The following GPC6 variants were observed in gnomAD, a reference collection of about 807,000 sequenced individuals.
GPC6 encodes the protein glypican 6, also known as glypican-6.
Under a neutral mutation model 55.2 loss-of-function variants are expected in GPC6, and 14 were observed. The ratio of observed to expected loss-of-function variants is 0.25; its 90% CI spans 0.17 to 0.40. The LOEUF is 0.40. Ranked by LOEUF, GPC6 falls within the 10% of genes least tolerant of loss-of-function variation. The pLI, the probability that GPC6 is intolerant of heterozygous loss-of-function variation, is 1.00. For synonymous variants in GPC6, 278 were observed against 259.6 expected (o/e 1.07, Z -0.68); for missense variants, 641 against 708.5 (o/e 0.90, Z 1.08).
chr13:94,302,412 C>T (rs1183608758), intron 5 of GPC6, among the ~76,000 whole-genome samples: 3 of 152,132 alleles, frequency 2.0e-5, no homozygotes, highest in African/African-American at 7.2e-5. Flanking sequence ...GCCTAATCAC[C>T]TCCCAAAGGA....
At chr13:94,076,839 G>A (rs777924595) in intron 4 of GPC6, among the ~76,000 whole-genome samples, 1 of 151,398 alleles carries the variant, frequency 6.6e-6, no homozygotes, top group Non-Finnish European at 1.5e-5. Context: ...TGATCTATAT[G>A]TCTGTCTTTA....
chr13:94,164,244 TTCCCAGTAATAA>T, intron 4 of GPC6, among the ~76,000 whole-genome samples: 1 of 152,210 alleles, frequency 6.6e-6, no homozygotes, highest in East Asian at 1.9e-4. Context: ...ACATAGCACA[TTCCCAGTAATAA>T]GCTACTTAAT....
chr13:94,351,641 C>T (rs1878547137), intron 6 of GPC6, among the ~76,000 whole-genome samples: 2 of 152,184 alleles, frequency 1.3e-5, no homozygotes, highest in South Asian at 2.1e-4. Flanking sequence ...TAATTACCCA[C>T]AGCTCTGGAG....
chr13:93,504,469 T>TA (rs1178417310), intron 1 of GPC6, among the ~76,000 whole-genome samples: 1 of 139,508 alleles, frequency 7.2e-6, no homozygotes, highest in Non-Finnish European at 1.5e-5. Context: ...ATTATAAAAA[T>TA]AAAAACAACA....
chr13:94,383,468 C>T (rs116200067), intron 7 of GPC6, among the ~76,000 whole-genome samples: 2,427 of 152,252 alleles, frequency 0.016, 47 homozygotes, highest in African/African-American at 0.049. Flanking sequence ...CGGTGGCTCA[C>T]GCCTGTAATC....
intron 3 of GPC6, among the ~76,000 whole-genome samples, chr13:93,986,399 A>G (rs1203025355): frequency 1.3e-5 from 2 of 152,236 alleles, no homozygotes; most frequent in East Asian, 1.9e-4. Flanking sequence ...ATTTCATTGG[A>G]AAGTTTCATC....
chr13:93,430,362 C>A (rs997804026), intron 1 of GPC6, among the ~76,000 whole-genome samples: 1 of 151,920 alleles, frequency 6.6e-6, no homozygotes, highest in African/African-American at 2.4e-5. Flanking sequence ...TTTGAAAGTG[C>A]AAATTGAGAG....
At chr13:93,410,869 T>C (rs2139244498) in intron 1 of GPC6, among the ~76,000 whole-genome samples, 1 of 152,258 alleles carries the variant, frequency 6.6e-6, no homozygotes, top group Admixed American at 6.5e-5. Context: ...ATGTCTTTTC[T>C]TCTCAGGGGA....
chr13:94,100,448 T>A (rs760675716), intron 4 of GPC6, among the ~76,000 whole-genome samples: 1 of 152,210 alleles, frequency 6.6e-6, no homozygotes, highest in Non-Finnish European at 1.5e-5. Context: ...AGAAAAGGAC[T>A]GGAAAGATAG....
At chr13:93,318,762 G>A (rs1477821024) in intron 1 of GPC6, among the ~76,000 whole-genome samples, 1 of 152,088 alleles carries the variant, frequency 6.6e-6, no homozygotes, top group Non-Finnish European at 1.5e-5. Flanking sequence ...GAGGAAGTGC[G>A]GAAGCCAGTT....
chr13:94,369,294 T>C (rs1879423020), intron 6 of GPC6, among the ~76,000 whole-genome samples: 1 of 152,130 alleles, frequency 6.6e-6, no homozygotes, highest in South Asian at 2.1e-4. Flanking sequence ...CAGAGATGAT[T>C]GAGGGAAAAT....
At chr13:93,515,811 A>G (rs1566399455) in intron 1 of GPC6, among the ~76,000 whole-genome samples, 1 of 152,184 alleles carries the variant, frequency 6.6e-6, no homozygotes, top group Non-Finnish European at 1.5e-5. Context: ...TACAAAGTGA[A>G]ACTCACTATT....
chr13:93,549,315 T>G (rs1015303259), intron 2 of GPC6, among the ~76,000 whole-genome samples: 2 of 152,180 alleles, frequency 1.3e-5, no homozygotes, highest in South Asian at 2.1e-4. Context: ...TTAGTATTTT[T>G]GTGTTTAGTG....
At chr13:93,322,335 T>C (rs1442644393) in intron 1 of GPC6, among the ~76,000 whole-genome samples, 1 of 152,058 alleles carries the variant, frequency 6.6e-6, no homozygotes, top group African/African-American at 2.4e-5. Flanking sequence ...TGTATATGTG[T>C]CAATGTGTTC....
intron 1 of GPC6, among the ~76,000 whole-genome samples, chr13:93,349,563 T>C (rs1040184668): frequency 6.6e-6 from 1 of 152,184 alleles, no homozygotes; most frequent in Admixed American, 6.5e-5. Flanking sequence ...TCTGGAGATA[T>C]ACCAAAGTTT....
chr13:94,145,183 AATGG>A, intron 4 of GPC6, among the ~76,000 whole-genome samples: 1 of 146,886 alleles, frequency 6.8e-6, no homozygotes, highest in African/African-American at 2.6e-5. Flanking sequence ...ACGGATGATG[AATGG>A]ATGGATGGAT....
At chr13:93,614,706 A>G (rs977973452) in intron 2 of GPC6, among the ~76,000 whole-genome samples, 2 of 152,104 alleles carry the variant, frequency 1.3e-5, no homozygotes, top group African/African-American at 2.4e-5. Flanking sequence ...TCTTTTATTT[A>G]TTTACCCAAA....
chr13:93,248,123 C>T (rs1566540190), intron 1 of GPC6, among the ~76,000 whole-genome samples: 1 of 152,124 alleles, frequency 6.6e-6, no homozygotes, highest in Non-Finnish European at 1.5e-5. Flanking sequence ...TTACTCAGAA[C>T]ATGCTTAGCA....
chr13:93,251,986 C>T lies in GPC6; in HGVS notation c.160+24370C>T, dbSNP rs1876800229. Among the ~76,000 whole-genome samples the T allele has an allele frequency of 2.0e-5, 3 of 152,080 alleles. No individual in the cohort carries two copies. The South Asian group carries it at 6.2e-4, about 32-fold the overall frequency. Reference sequence around the variant, plus strand: ...ACAGGTTTCTGTTTGTTGTTTTTACCATCAGGAGAATGATCTGTTTGATAA... The same window carrying T: ...ACAGGTTTCTGTTTGTTGTTTTTACTATCAGGAGAATGATCTGTTTGATAA... On this transcript the variant is annotated intron_variant, in intron 1 of 8. Coordinates refer to ENST00000377047, the MANE Select transcript of GPC6 (RefSeq NM_005708.5).
Sources: allele counts gnomAD v4.1 joint callset (sites outside exome capture counted in the v4.1 genomes callset), GRCh38; gene constraint gnomAD v4.1.1; transcripts MANE v1.5; gene names NCBI Gene and HGNC (gene_info 2026-07-23, HGNC 2026-07-21).